The following DYNC2I1 variants were observed in gnomAD, a reference collection of about 807,000 sequenced individuals.
DYNC2I1 encodes dynein 2 intermediate chain 1, also known as cytoplasmic dynein 2 intermediate chain 1.
In DYNC2I1, 89 loss-of-function variants were observed where a neutral mutation model predicts 133.4. The ratio of observed to expected loss-of-function variants is 0.67; its 90% CI spans 0.56 to 0.80. The LOEUF (loss-of-function observed/expected upper bound fraction) is 0.80, where lower values mean the gene tolerates loss of function less well. DYNC2I1 is among the 30% of genes least tolerant of loss of function. The probability of loss-of-function intolerance (pLI) is 0.00; values close to 1 mark genes in which losing one functional copy is unlikely to be tolerated. For synonymous variants in DYNC2I1, 504 were observed against 484.3 expected (o/e 1.04, Z -0.54); for missense variants, 1,291 against 1,314.5 (o/e 0.98, Z 0.28).
At chr7:158,841,200 T>A in the DYNC2I1 span, among the ~76,000 whole-genome samples, 2 of 49,418 alleles carry the variant, frequency 4.0e-5, no homozygotes, top group East Asian at 2.2e-3. Flanking sequence ...TATATATATA[T>A]ATATATATAT....
intron 7 of DYNC2I1, among the ~76,000 whole-genome samples, chr7:158,890,184 A>G (rs1585049210): frequency 6.6e-6 from 1 of 152,178 alleles, no homozygotes; most frequent in South Asian, 2.1e-4. Context: ...CATTAAAAAC[A>G]TACAGAAGAA....
intron 17 of DYNC2I1, among the ~76,000 whole-genome samples, chr7:158,925,967 GGGCCCGT>G (rs2129486962): frequency 6.6e-6 from 1 of 152,312 alleles, no homozygotes; most frequent in African/African-American, 2.4e-5. Flanking sequence ...GCAGGGGCTG[GGGCCCGT>G]GTGTCCTAGG....
Position 158,927,041 on chromosome 7 carries a change from T to C in DYNC2I1, c.2483T>C (p.Leu828Ser). The change falls in exon 20 of 25, where the codon TTA becomes TCA. Residue 828 changes from leucine to serine, a missense_variant and splice_region_variant. Physicochemically the swap from Leu to Ser is moderately radical, Grantham distance 145 (BLOSUM62 -2). Transcript: ENST00000407559. ...GACATCGCAGGTTCAATAAGTGATT[T>C]AGGTAACTATTAAGTAAAAAAATTA... is the stretch of plus-strand genomic sequence containing the variant. ...KADIAGSISDLGLMPGGRVKL... is the reference protein window; with the variant it reads ...KADIAGSISDSGLMPGGRVKL... 1 of 1,594,694 alleles carries C rather than the reference T, an allele frequency of 6.3e-7. No individual in the cohort carries two copies. Among genetic ancestry groups the C allele is most frequent in the Non-Finnish European group, 8.6e-7 (1 of 1,168,696 alleles).
chr7:158,923,078 G>A (rs780963056), intron 16 of DYNC2I1, among the ~76,000 whole-genome samples: 21 of 152,324 alleles, frequency 1.4e-4, no homozygotes, highest in East Asian at 3.9e-4. Flanking sequence ...GGACTGTGCG[G>A]TGAGGGGTCA....
chr7:158,860,148 C>T (rs1584933035), intron 1 of DYNC2I1, among the ~76,000 whole-genome samples: 2 of 152,046 alleles, frequency 1.3e-5, no homozygotes, highest in Admixed American at 1.3e-4. Flanking sequence ...CTCTGCCTCC[C>T]GGGTTCAAGC....
Position 158,900,195 on chromosome 7 carries a change from C to T in DYNC2I1, c.1060-1544C>T, listed in dbSNP as rs573385039. Among the ~76,000 whole-genome samples the T allele has an allele frequency of 7.3e-5, 11 of 150,976 alleles. No individual in the cohort carries two copies. The East Asian group carries it at 1.4e-3, about 19-fold the overall frequency. ...GGAGTGCAATGGTGCGATCTCAGCT[C>T]GCTGCAACCTCTGCCTCCCAGGTTC... On this transcript the variant is annotated intron_variant, in intron 8 of 24. Coordinates refer to ENST00000407559, the MANE Select transcript of DYNC2I1 (RefSeq NM_018051.5).
upstream of DYNC2I1, among the ~76,000 whole-genome samples, chr7:158,853,754 A>G (rs1026672788): frequency 2.0e-5 from 3 of 151,702 alleles, no homozygotes; most frequent in Non-Finnish European, 2.9e-5. Context: ...TCCTGGGTTC[A>G]AGAGAGTCTC....
chr7:158,925,324 C>T (rs74944641), intron 17 of DYNC2I1, among the ~76,000 whole-genome samples: 5 of 152,158 alleles, frequency 3.3e-5, no homozygotes, highest in Non-Finnish European at 7.4e-5. Context: ...TCATTTCTTG[C>T]TTTTTTGGGT....
intron 1 of DYNC2I1, among the ~76,000 whole-genome samples, chr7:158,860,196 C>T (rs1453578213): frequency 6.6e-6 from 1 of 152,024 alleles, no homozygotes; most frequent in Non-Finnish European, 1.5e-5. Flanking sequence ...GCTGAGATTA[C>T]AGGCATGCAC....
In DYNC2I1 at chr7:158,856,606, C is replaced by A; in HGVS notation, c.-130C>A. On this transcript the variant is annotated 5_prime_UTR_variant, in exon 1 of 25. Transcript: ENST00000407559. Reference sequence around the variant, plus strand: ...GGCAGTGCTTCTGGGCCCTCTGCTGCTCCTGCTTGTCGGTTGCTAGGCGCT... The same window carrying A: ...GGCAGTGCTTCTGGGCCCTCTGCTGATCCTGCTTGTCGGTTGCTAGGCGCT... The A allele has an allele frequency of 1.0e-6, 1 of 972,698 alleles. No homozygotes were observed. Among genetic ancestry groups the A allele is most frequent in the Non-Finnish European group, 1.3e-6 (1 of 752,628 alleles). 60.3% of individuals were successfully genotyped at this position (972,698 alleles called of 1,614,324 possible). A position where few individuals can be genotyped will look rare whatever the true frequency, so the allele number is the denominator to read the frequency against.
At chr7:158,864,339 C>T (rs892250969) in intron 1 of DYNC2I1, among the ~76,000 whole-genome samples, 1 of 151,940 alleles carries the variant, frequency 6.6e-6, no homozygotes, top group African/African-American at 2.4e-5. Flanking sequence ...GGTTGGGCCG[C>T]GGTGTCTCTG....
At chr7:158,881,301 A>G (rs1048763327) in intron 5 of DYNC2I1, among the ~76,000 whole-genome samples, 41 of 152,120 alleles carry the variant, frequency 2.7e-4, no homozygotes, top group African/African-American at 8.9e-4. Flanking sequence ...GTTTCTTAGC[A>G]GGTTTGAGGC....
chr7:158,951,947 G>T (rs921577574), intron 4 of DYNC2I1, among the ~76,000 whole-genome samples: 2 of 152,272 alleles, frequency 1.3e-5, no homozygotes, highest in African/African-American at 4.8e-5. Context: ...GAATAGAATC[G>T]CCCTGGGTTG....
chr7:158,888,067 C>T (rs1483925938), intron 7 of DYNC2I1, among the ~76,000 whole-genome samples: 3 of 141,138 alleles, frequency 2.1e-5, no homozygotes, highest in Non-Finnish European at 4.6e-5. Context: ...CTCTGTTGCC[C>T]AGGCTGGAGT....
chr7:158,930,480 G>A lies in DYNC2I1; in HGVS notation c.2511G>A (p.Lys837=), dbSNP rs893728996. ...GTCTGATGCCTGGAGGGAGGGTCAA[G>A]CTGGTACATAGTGCTCTGATCCAGT... is the stretch of plus-strand genomic sequence containing the variant. ...DLGLMPGGRV[K]LVHSALIQLG... is the part of the protein sequence containing the mutation. The change falls in exon 21 of 25, where the codon AAG becomes AAA. Residue 837 remains lysine, a synonymous_variant. Transcript: ENST00000407559. The A allele has an allele frequency of 6.2e-6, 10 of 1,613,022 alleles. No individual in the cohort carries two copies. The African/African-American group carries it at 1.1e-4, about 17-fold the overall frequency.
chr7:158,901,825 A>G lies in DYNC2I1; in HGVS notation c.1137+9A>G, dbSNP rs1318405616. The stretch of plus-strand genomic sequence containing the variant: ...GTGAAGATGATTTTGAAGTATGTAT[A>G]AAAGTTAAAACTTTCCTTAGCTTAA... On this transcript the variant is annotated intron_variant, in intron 9 of 24. Coordinates refer to ENST00000407559, the MANE Select transcript of DYNC2I1 (RefSeq NM_018051.5). 6.5e-7 allele frequency: 1 copy of G among 1,543,888 alleles called. No homozygotes were observed. The highest frequency in any genetic ancestry group is 8.7e-7 in the Non-Finnish European group (1 of 1,144,586).
intron 8 of DYNC2I1, among the ~76,000 whole-genome samples, chr7:158,899,614 C>T (rs1036850092): frequency 7.2e-5 from 11 of 152,074 alleles, no homozygotes; most frequent in African/African-American, 2.7e-4. Flanking sequence ...TGGGAGGGAC[C>T]CAGGGGGAGG....
intron 5 of DYNC2I1, among the ~76,000 whole-genome samples, chr7:158,882,227 T>C (rs1844107856): frequency 6.6e-6 from 1 of 152,178 alleles, no homozygotes; most frequent in Non-Finnish European, 1.5e-5. Context: ...CAAAAATTAC[T>C]GTTCTTATGG....
At chr7:158,879,547 C>A in intron 4 of DYNC2I1, 137 bp from the exon 5 acceptor site, 2 of 889,160 alleles carry the variant, frequency 2.2e-6, no homozygotes, top group Non-Finnish European at 3.4e-6. Context: ...TACATGTTTA[C>A]TACAGACACG....
Sources: gnomAD v4.1 joint callset for allele counts (sites outside exome capture counted in the v4.1 genomes callset) on GRCh38, gnomAD v4.1.1 for gene constraint, MANE v1.5 for transcripts, NCBI Gene and HGNC (gene_info 2026-07-23, HGNC 2026-07-21) for gene names.